The following CACNA1S variants were observed in gnomAD, a reference collection of about 807,000 sequenced individuals.
The protein encoded by CACNA1S is calcium voltage-gated channel subunit alpha1 S, also known as voltage-dependent L-type calcium channel subunit alpha-1S.
CACNA1S carries 126 observed loss-of-function variants against 207.4 expected under a neutral mutation model. The ratio of observed to expected loss-of-function variants is 0.61; its 90% confidence interval spans 0.53 to 0.70. The LOEUF (loss-of-function observed/expected upper bound fraction) is 0.70. Ranked by LOEUF, CACNA1S falls within the 30% of genes least tolerant of loss-of-function variation. CACNA1S has a pLI of 0.00. For synonymous variants in CACNA1S, 960 were observed against 932.7 expected (o/e 1.03, Z -0.53); for missense variants, 2,349 against 2,422.8 (o/e 0.97, Z 0.64).
chr1:201,093,846 G>T, intron 3 of CACNA1S, 36 bp downstream of exon 3: 2 of 1,612,710 alleles, frequency 1.2e-6, no homozygotes, highest in South Asian at 1.1e-5. Flanking sequence ...CCTCAGCGAG[G>T]GTCTGACCTT....
Position 201,053,527 on chromosome 1 carries a change from G to C in CACNA1S, c.3727C>G (p.Leu1243Val), listed in dbSNP as rs767923970. ...AFFRLFRVMR[L>V]IKLLSRAEGV... ...TCTGCCCGGCTCAGCAGCTTGATCA[G>C]CCTCATGACACGGAACAGGCGGAAG... Residue 1243 changes from leucine (L) to valine (V), a missense_variant, in exon 30 of 44, where the codon CTG becomes GTG. Transcript: ENST00000362061. This position sits in a 1 kb window ranked among gnomAD's most constrained non-coding sequence, Gnocchi z 5.1. 6.2e-7 allele frequency: 1 copy of C among 1,614,056 alleles called. No homozygotes were observed. The highest frequency in any genetic ancestry group is 8.5e-7 in the Non-Finnish European group (1 of 1,180,030).
Position 201,053,086 on chromosome 1 carries a change from A to G in CACNA1S, c.3861+123T>C. 8.9e-7 allele frequency: 1 copy of G among 1,129,848 alleles called. No homozygotes were observed. The highest frequency in any genetic ancestry group is 1.5e-5 in the African/African-American group (1 of 65,576). The allele number at this position is 1,129,848 out of a possible 1,614,324, so 70.0% of individuals were successfully genotyped here. The stretch of plus-strand genomic sequence containing the variant: ...GGGAGGTTGTCCCTCCTTCTTTCTC[A>G]CGAGCAAGGCAGGGAGGGCGGAGGG... On this transcript the variant is annotated intron_variant, in intron 31 of 43. Transcript: ENST00000362061. This position sits in a 1 kb window ranked among gnomAD's most constrained non-coding sequence, Gnocchi z 5.1.
intron 27 of CACNA1S, among the ~76,000 whole-genome samples, chr1:201,058,953 G>A (rs1215307687): frequency 6.6e-6 from 1 of 152,214 alleles, no homozygotes; most frequent in Non-Finnish European, 1.5e-5. Flanking sequence ...GAGAATGTAA[G>A]AGAAGCTCCA....
At chr1:201,092,428 C>A (rs1305185953) in intron 3 of CACNA1S, among the ~76,000 whole-genome samples, 1 of 152,074 alleles carries the variant, frequency 6.6e-6, no homozygotes, top group Non-Finnish European at 1.5e-5. Context: ...GGGCTGAGTA[C>A]CCCCAACACG....
chr1:201,051,279 C>T, intron 32 of CACNA1S, 136 bp from the exon 33 acceptor site: 1 of 794,706 alleles, frequency 1.3e-6, no homozygotes, highest in Non-Finnish European at 2.1e-6. Context: ...GTCAGATCTT[C>T]ATGTTCACTG....
chr1:201,054,614 G>A, intron 28 of CACNA1S, 53 bp from the exon 29 acceptor site: 1 of 1,468,720 alleles, frequency 6.8e-7, no homozygotes, highest in South Asian at 1.2e-5. Flanking sequence ...GAGGAGGAGG[G>A]ACATGTGGGA....
At chr1:201,108,204 C>A (rs1662968133) in intron 2 of CACNA1S, among the ~76,000 whole-genome samples, 1 of 151,376 alleles carries the variant, frequency 6.6e-6, no homozygotes, top group Non-Finnish European at 1.5e-5. Flanking sequence ...CTCCCAGGCT[C>A]AAGCAATCCT....
In CACNA1S at chr1:201,040,625, G is replaced by A; in HGVS notation, c.5223C>T (p.Cys1741=). ...CCCAGGCCTCTGCCACTGTTACCTG[G>A]CAGGGGGCAGGAGGTGCCTGGCCTC... ...MPRGQAPPAP[C]QCPRVESSMP... The change falls in exon 42 of 44, where the codon TGC becomes TGT. Residue 1741 remains cysteine (C), a synonymous_variant. Coordinates refer to ENST00000362061, the MANE Select transcript of CACNA1S (RefSeq NM_000069.3). The A allele has an allele frequency of 6.2e-7, 1 of 1,613,610 alleles. No individual in the cohort carries two copies. The highest frequency in any genetic ancestry group is 1.3e-5 in the African/African-American group (1 of 75,040).
chr1:201,109,143 G>A (rs562879845), intron 2 of CACNA1S, among the ~76,000 whole-genome samples: 3 of 152,146 alleles, frequency 2.0e-5, no homozygotes, highest in East Asian at 3.9e-4. Context: ...AGCTACTTGG[G>A]AGGCTGAGGC....
intron 2 of CACNA1S, among the ~76,000 whole-genome samples, chr1:201,100,743 C>A (rs994389460): frequency 1.3e-5 from 2 of 152,118 alleles, no homozygotes; most frequent in Admixed American, 1.3e-4. Context: ...CCAGTGCTGT[C>A]TTGGGTAATG....
chr1:201,076,781 G>T (rs1488411512), intron 12 of CACNA1S, 139 bp downstream of exon 12: 2 of 801,474 alleles, frequency 2.5e-6, no homozygotes, highest in East Asian at 5.0e-5. Flanking sequence ...TGATAGGGGA[G>T]CCCAGAGAAG....
chr1:201,086,301 C>G (rs925205817), intron 7 of CACNA1S, among the ~76,000 whole-genome samples: 9 of 152,230 alleles, frequency 5.9e-5, no homozygotes, highest in African/African-American at 2.2e-4. Flanking sequence ...CTATGGATCT[C>G]TCTTCAGAAT....
At position 201,062,079 on chromosome 1, in the gene CACNA1S, T is replaced by A; in HGVS notation, c.2918A>T (p.Tyr973Phe). Residue 973 changes from tyrosine to phenylalanine, a missense_variant, in exon 24 of 44, where the codon TAC (tyrosine) becomes TTC (phenylalanine). By Grantham distance (22) the Tyr-to-Phe change is conservative. Coordinates refer to ENST00000362061, the MANE Select transcript of CACNA1S (RefSeq NM_000069.3). ...MTEEECRGYY[Y>F]VYKDGDPMQI... ...CATGGGGTCCCCGTCCTTGTACACGTAGTAGTAGCCCCTGTGGCAGGGAGG... is the reference window on the plus strand; with the variant it reads ...CATGGGGTCCCCGTCCTTGTACACGAAGTAGTAGCCCCTGTGGCAGGGAGG... 6.2e-7 allele frequency: 1 copy of A among 1,613,844 alleles called. No homozygotes were observed.
At chr1:201,044,285 C>T (rs370226563) in intron 39 of CACNA1S, 43 bp downstream of exon 39, 24 of 1,610,690 alleles carry the variant, frequency 1.5e-5, no homozygotes, top group Non-Finnish European at 2.0e-5. Context: ...CACTGCCACT[C>T]ATGGTGTCTA....
rs7513829 is a variant in CACNA1S, at chr1:201,110,462, C to A, written c.153-193G>T. On this transcript the variant is annotated intron_variant, in intron 1 of 43. Coordinates refer to ENST00000362061, the MANE Select transcript of CACNA1S (RefSeq NM_000069.3). Reference sequence around the variant, plus strand: ...GTGAGGACCAGGTTCCTGCCTTGACCTCTGGCTCCCTCTCCTCAGGAACAA... The same window carrying A: ...GTGAGGACCAGGTTCCTGCCTTGACATCTGGCTCCCTCTCCTCAGGAACAA... Among the ~76,000 whole-genome samples, 68,782 of 152,016 alleles carry A rather than the reference C, an allele frequency of 0.45. 16,091 individuals carry two copies. The highest frequency in any genetic ancestry group is 0.82 in the East Asian group (4,234 of 5,158).
intron 6 of CACNA1S, 55 bp downstream of exon 6, chr1:201,089,203 C>T (rs1662135536): frequency 6.3e-7 from 1 of 1,576,532 alleles, no homozygotes; most frequent in South Asian, 1.1e-5. Context: ...TCCCCACTCC[C>T]TTGCAAGCCT....
At chr1:201,058,263 G>A (rs1660918812) in intron 28 of CACNA1S, 145 bp downstream of exon 28, 1 of 746,200 alleles carries the variant, frequency 1.3e-6, no homozygotes, top group Non-Finnish European at 2.4e-6. Flanking sequence ...AGTTCCTTGA[G>A]GGCAGAAGCC....
intron 9 of CACNA1S, 97 bp downstream of exon 9, chr1:201,084,853 T>A: frequency 1.1e-6 from 1 of 877,488 alleles, no homozygotes; most frequent in East Asian, 2.4e-5. Flanking sequence ...ATTAGACAAG[T>A]GACTCTGAAA....
At position 201,053,387 on chromosome 1, in the gene CACNA1S, C is replaced by A; in HGVS notation, c.3795+72G>T. On this transcript the variant is annotated intron_variant, in intron 30 of 43. Coordinates refer to ENST00000362061, the MANE Select transcript of CACNA1S (RefSeq NM_000069.3). This position sits in a 1 kb window ranked among gnomAD's most constrained non-coding sequence, Gnocchi z 5.1. ...GCCTTGCCCAGGGCTCCCCTGGGGC[C>A]CACCCTGGGCTGAGGCAGATGTCCC... 1.2e-6 allele frequency: 2 copies of A among 1,612,120 alleles called. No homozygotes were observed. Among genetic ancestry groups the A allele is most frequent in the South Asian group, 1.1e-5 (1 of 91,036 alleles).
Sources: allele counts gnomAD v4.1 joint callset (sites outside exome capture counted in the v4.1 genomes callset), GRCh38; gene constraint gnomAD v4.1.1; non-coding constraint Gnocchi (gnomAD v3.1); transcripts MANE v1.5; gene names NCBI Gene and HGNC (gene_info 2026-07-23, HGNC 2026-07-21).